The following CPT1A variants were observed in gnomAD, a reference collection of about 807,000 sequenced individuals.
CPT1A encodes carnitine O-palmitoyltransferase 1, liver isoform.
In CPT1A, 64 loss-of-function variants were observed where a neutral mutation model predicts 100.8. That is an observed-to-expected ratio of 0.63 (90% confidence interval 0.52 to 0.78). The LOEUF (loss-of-function observed/expected upper bound fraction) is 0.78. Ranked by LOEUF, CPT1A falls within the 30% of genes least tolerant of loss-of-function variation. CPT1A has a pLI of 0.00. For synonymous variants in CPT1A, 363 were observed against 396.0 expected (o/e 0.92, Z 0.99); for missense variants, 802 against 1,034.1 (o/e 0.78, Z 3.08).
intron 1 of CPT1A, among the ~76,000 whole-genome samples, chr11:68,831,018 C>T (rs1203610033): frequency 1.3e-5 from 2 of 152,222 alleles, no homozygotes; most frequent in Admixed American, 6.5e-5. Flanking sequence ...GGTGATAACA[C>T]ATCTTCAATT....
upstream of CPT1A, chr11:68,844,004 G>C (rs1290771614): frequency 6.6e-6 from 1 of 152,378 alleles, no homozygotes; most frequent in Non-Finnish European, 1.5e-5. Flanking sequence ...AGCTGGGATT[G>C]GCCCCGCGCC....
At chr11:68,797,015 G>C (rs1011552754) in intron 6 of CPT1A, 82 bp from the exon 7 acceptor site, 56 of 1,371,584 alleles carry the variant, frequency 4.1e-5, no homozygotes, top group Non-Finnish European at 5.1e-5. Context: ...GAGCCGCGGG[G>C]AAGGGCAGGC....
chr11:68,807,398 G>A (rs964533576), intron 4 of CPT1A, 69 bp downstream of exon 4: 20 of 1,492,414 alleles, frequency 1.3e-5, no homozygotes, highest in African/African-American at 1.2e-4. Flanking sequence ...GTGTCCTTCC[G>A]CAGGGGTGTC....
At chr11:68,822,094 C>T (rs1279569885) in intron 1 of CPT1A, among the ~76,000 whole-genome samples, 1 of 152,182 alleles carries the variant, frequency 6.6e-6, no homozygotes, top group African/African-American at 2.4e-5. Context: ...TACAGAGTTA[C>T]TGGCCTGGCA....
At position 68,796,824 on chromosome 11, in the gene CPT1A, C is replaced by T. The variant is rs1163824100; in HGVS notation, c.771+32G>A. 5.0e-6 allele frequency: 8 copies of T among 1,608,620 alleles called. No individual in the cohort carries two copies. The East Asian group carries it at 6.7e-5, about 14-fold the overall frequency. Reference sequence around the variant, plus strand: ...GACAGACCCGCCGCCCCACCGTCCTCGTCAGACAGCAGCCCGGGCGGGTGG... The same window carrying T: ...GACAGACCCGCCGCCCCACCGTCCTTGTCAGACAGCAGCCCGGGCGGGTGG... On this transcript the variant is annotated intron_variant, in intron 7 of 18. Coordinates refer to ENST00000265641, the MANE Select transcript of CPT1A (RefSeq NM_001876.4).
intron 3 of CPT1A, among the ~76,000 whole-genome samples, chr11:68,810,272 C>A (rs1856166117): frequency 6.6e-6 from 1 of 152,206 alleles, no homozygotes; most frequent in South Asian, 2.1e-4. Context: ...CAGCTACCCA[C>A]CGCAGGCCTG....
intron 9 of CPT1A, among the ~76,000 whole-genome samples, chr11:68,789,830 T>C (rs1345490028): frequency 6.6e-6 from 1 of 152,246 alleles, no homozygotes; most frequent in East Asian, 1.9e-4. Context: ...CTGGCAGATT[T>C]ATAAGAACTC....
At chr11:68,824,267 GA>G (rs1856666382) in intron 1 of CPT1A, among the ~76,000 whole-genome samples, 1 of 139,956 alleles carries the variant, frequency 7.1e-6, no homozygotes. Flanking sequence ...AAAAAAAAAA[GA>G]GAAAAAAGAT....
chr11:68,793,280 G>C (rs774161331), intron 9 of CPT1A, 35 bp downstream of exon 9: 1 of 1,523,908 alleles, frequency 6.6e-7, no homozygotes, highest in Admixed American at 1.7e-5. Context: ...GGAAAGTGCC[G>C]ATTCTCCAGG....
intron 4 of CPT1A, among the ~76,000 whole-genome samples, chr11:68,806,984 A>T (rs951553386): frequency 6.6e-6 from 1 of 152,178 alleles, no homozygotes; most frequent in Non-Finnish European, 1.5e-5. Flanking sequence ...AAAACATTTA[A>T]ATCATGAAAT....
At chr11:68,795,799 A>T (rs187310955) in intron 7 of CPT1A, among the ~76,000 whole-genome samples, 1 of 151,876 alleles carries the variant, frequency 6.6e-6, no homozygotes, top group Non-Finnish European at 1.5e-5. Context: ...AATCCCAGCT[A>T]CTCGGGAGGC....
At chr11:68,818,183 G>A (rs1306370101) in intron 1 of CPT1A, among the ~76,000 whole-genome samples, 1 of 152,100 alleles carries the variant, frequency 6.6e-6, no homozygotes, top group Non-Finnish European at 1.5e-5. Flanking sequence ...TGACAGTGTG[G>A]ACAATGACCC....
chr11:68,839,435 G>A, intron 1 of CPT1A: 1 of 884,090 alleles, frequency 1.1e-6, no homozygotes, highest in Non-Finnish European at 1.4e-6. Flanking sequence ...CCCCCAGGCT[G>A]GCGCGTCCCA....
intron 3 of CPT1A, among the ~76,000 whole-genome samples, chr11:68,808,979 TA>T (rs1312069024): frequency 6.8e-6 from 1 of 148,050 alleles, no homozygotes. Flanking sequence ...AAATAAGAAA[TA>T]AAAAATAATA....
rs79719471 is a variant in CPT1A at position 68,801,195 on chromosome 11, C to G, written c.556-1840G>C. 5.2e-4 allele frequency among the ~76,000 whole-genome samples: 79 copies of G among 152,212 alleles called. 2 individuals carry two copies. In the East Asian group the frequency reaches 7.7e-3, roughly 15 times the overall value. On this transcript the variant is annotated intron_variant, in intron 5 of 18. Transcript: ENST00000265641. ...CGTGAATGAGACAGAAAATCATGCC[C>G]TGAATGAGCTGAAGTGGAACCCCGA...
intron 9 of CPT1A, chr11:68,785,811 G>T: frequency 1.8e-6 from 1 of 551,018 alleles, no homozygotes; most frequent in Non-Finnish European, 3.2e-6. Context: ...GAAACATTCC[G>T]ATAATTGTTT....
At chr11:68,798,160 C>G (rs1855804306) in intron 6 of CPT1A, among the ~76,000 whole-genome samples, 1 of 152,128 alleles carries the variant, frequency 6.6e-6, no homozygotes, top group Admixed American at 6.5e-5. Context: ...GAGGCAGTGC[C>G]CCCCAACCAC....
intron 1 of CPT1A, among the ~76,000 whole-genome samples, chr11:68,824,794 C>CTTT (rs60451933): frequency 0.019 from 2,326 of 120,256 alleles, 121 homozygotes; most frequent in African/African-American, 0.066. Flanking sequence ...GCAATTGTAT[C>CTTT]TTTTTTTTTT....
At chr11:68,816,802 T>C (rs930943022) in intron 1 of CPT1A, among the ~76,000 whole-genome samples, 1 of 141,276 alleles carries the variant, frequency 7.1e-6, no homozygotes, top group Non-Finnish European at 1.5e-5. Flanking sequence ...TATACGTGTG[T>C]GTGGTATGTG....
Sources: gnomAD v4.1 joint callset for allele counts (sites outside exome capture counted in the v4.1 genomes callset) on GRCh38, gnomAD v4.1.1 for gene constraint, MANE v1.5 for transcripts, NCBI Gene and HGNC (gene_info 2026-07-23, HGNC 2026-07-21) for gene names.